The following ITFG1 variants were observed in gnomAD, a reference collection of about 807,000 sequenced individuals.
The protein encoded by ITFG1 is integrin alpha FG-GAP repeat containing 1, also known as T-cell immunomodulatory protein.
ITFG1 carries 34 observed loss-of-function variants against 81.8 expected under a neutral mutation model. The ratio of observed to expected loss-of-function variants is 0.42; its 90% confidence interval spans 0.32 to 0.55. ITFG1 has a LOEUF of 0.55. Among genes scored for constraint, ITFG1 ranks in the 20% least tolerant of loss-of-function variants. The pLI, the probability that ITFG1 is intolerant of heterozygous loss-of-function variation, is 0.17. For synonymous variants in ITFG1, 285 were observed against 270.6 expected (o/e 1.05, Z -0.52); for missense variants, 672 against 755.4 (o/e 0.89, Z 1.29).
At chr16:47,302,215 C>T (rs1967087405) in intron 10 of ITFG1, among the ~76,000 whole-genome samples, 1 of 151,994 alleles carries the variant, frequency 6.6e-6, no homozygotes, top group Non-Finnish European at 1.5e-5. Context: ...TTTCTATTAA[C>T]GGAAGGGTTA....
At chr16:47,350,429 T>C (rs1260032723) in intron 8 of ITFG1, among the ~76,000 whole-genome samples, 1 of 152,124 alleles carries the variant, frequency 6.6e-6, no homozygotes, top group Non-Finnish European at 1.5e-5. Context: ...GAGAATACTA[T>C]AAACACCTCT....
At chr16:47,192,906 A>T (rs1965309493) in intron 14 of ITFG1, among the ~76,000 whole-genome samples, 1 of 152,144 alleles carries the variant, frequency 6.6e-6, no homozygotes, top group Non-Finnish European at 1.5e-5. Context: ...AACGAGTCTC[A>T]TTCTCAGTCT....
chr16:47,390,825 C>T (rs1196321013), intron 6 of ITFG1, among the ~76,000 whole-genome samples: 1 of 152,064 alleles, frequency 6.6e-6, no homozygotes, highest in South Asian at 2.1e-4. Context: ...AAATCCAATA[C>T]TGAAATAGGC....
At chr16:47,460,202 G>A (rs1275867825) in intron 1 of ITFG1, among the ~76,000 whole-genome samples, 1 of 152,246 alleles carries the variant, frequency 6.6e-6, no homozygotes, top group African/African-American at 2.4e-5. Flanking sequence ...AGAAATTTCT[G>A]TAGTTTGAGA....
intron 8 of ITFG1, among the ~76,000 whole-genome samples, chr16:47,322,420 G>A (rs190130924): frequency 5.9e-5 from 9 of 152,280 alleles, no homozygotes; most frequent in Non-Finnish European, 1.2e-4. Context: ...CAAGCATGGT[G>A]GCTCAAACCT....
At chr16:47,305,108 T>C (rs1356926203) in intron 10 of ITFG1, among the ~76,000 whole-genome samples, 11 of 152,172 alleles carry the variant, frequency 7.2e-5, no homozygotes, top group Admixed American at 7.2e-4. Context: ...TTGGTACCAC[T>C]AGTGTATAAG....
chr16:47,327,363 A>G (rs1297027258), intron 8 of ITFG1, among the ~76,000 whole-genome samples: 3 of 152,240 alleles, frequency 2.0e-5, no homozygotes, highest in African/African-American at 4.8e-5. Context: ...ACCTAAAACC[A>G]TAAAAACCCT....
At chr16:47,453,796 G>C (rs1969417567) in intron 3 of ITFG1, among the ~76,000 whole-genome samples, 1 of 152,118 alleles carries the variant, frequency 6.6e-6, no homozygotes, top group African/African-American at 2.4e-5. Context: ...ATAAATCTCT[G>C]TCCTCTTTAA....
chr16:47,277,735 C>T (rs547651899), intron 10 of ITFG1, among the ~76,000 whole-genome samples: 68 of 152,256 alleles, frequency 4.5e-4, no homozygotes, highest in African/African-American at 1.6e-3. Flanking sequence ...GTGTAAACTA[C>T]AGAGTGGATT....
At chr16:47,187,940 A>C (rs1266934283) in intron 14 of ITFG1, among the ~76,000 whole-genome samples, 3 of 152,004 alleles carry the variant, frequency 2.0e-5, no homozygotes, top group Non-Finnish European at 4.4e-5. Flanking sequence ...ACCACATCAA[A>C]AAGTGGGCGA....
At chr16:47,450,755 G>A (rs1204689189) in intron 5 of ITFG1, among the ~76,000 whole-genome samples, 2 of 152,032 alleles carry the variant, frequency 1.3e-5, no homozygotes, top group Admixed American at 1.3e-4. Context: ...CGGGTTGAAG[G>A]TATCTTATGA....
At chr16:47,386,344 A>G (rs1027963068) in intron 6 of ITFG1, among the ~76,000 whole-genome samples, 1 of 152,202 alleles carries the variant, frequency 6.6e-6, no homozygotes, top group African/African-American at 2.4e-5. Context: ...AGTGTGAAGG[A>G]AACTCTGCTT....
At chr16:47,369,071 A>T (rs895451368) in intron 7 of ITFG1, among the ~76,000 whole-genome samples, 1 of 152,190 alleles carries the variant, frequency 6.6e-6, no homozygotes, top group Non-Finnish European at 1.5e-5. Context: ...TTATTTACAT[A>T]TTTAATATGT....
chr16:47,301,346 C>T (rs1444548669), intron 10 of ITFG1, among the ~76,000 whole-genome samples: 1 of 151,846 alleles, frequency 6.6e-6, no homozygotes, highest in Non-Finnish European at 1.5e-5. Context: ...TTACAGTAAA[C>T]ATGAATTCTA....
chr16:47,303,220 G>A (rs1434590304), intron 10 of ITFG1, among the ~76,000 whole-genome samples: 2 of 151,866 alleles, frequency 1.3e-5, no homozygotes, highest in Middle Eastern at 3.2e-3. Context: ...GCAGTGAGCC[G>A]AGATCGCACC....
At chr16:47,406,542 C>A (rs1403210236) in intron 6 of ITFG1, among the ~76,000 whole-genome samples, 1 of 152,148 alleles carries the variant, frequency 6.6e-6, no homozygotes, top group East Asian at 1.9e-4. Context: ...TTTTCTCCCC[C>A]AAAATGTGGC....
intron 5 of ITFG1, among the ~76,000 whole-genome samples, chr16:47,430,817 T>TA (rs1413493094): frequency 6.6e-6 from 1 of 152,220 alleles, no homozygotes; most frequent in African/African-American, 2.4e-5. Context: ...TTTCTACGCT[T>TA]AGCTATATAT....
chr16:47,403,326 C>T (rs2151599988), intron 6 of ITFG1, among the ~76,000 whole-genome samples: 1 of 151,502 alleles, frequency 6.6e-6, no homozygotes, highest in African/African-American at 2.4e-5. Flanking sequence ...CTAGGGTCCA[C>T]TGTATTATAT....
chr16:47,429,031 C>T, intron 5 of ITFG1, 133 bp from the exon 6 acceptor site: 1 of 614,300 alleles, frequency 1.6e-6, no homozygotes, highest in Non-Finnish European at 2.8e-6. Flanking sequence ...AATTCATTCT[C>T]TTAAAGTGCA....
Sources: allele counts gnomAD v4.1 joint callset (sites outside exome capture counted in the v4.1 genomes callset), GRCh38; gene constraint gnomAD v4.1.1; transcripts MANE v1.5; gene names NCBI Gene and HGNC (gene_info 2026-07-23, HGNC 2026-07-21).